MCFD2: variants seen among roughly 807,000 people sequenced by gnomAD.
The protein encoded by MCFD2 is multiple coagulation factor deficiency protein 2.
MCFD2 carries 11 observed loss-of-function variants against 12.8 expected under a neutral mutation model. That is an observed-to-expected ratio of 0.86 (90% CI 0.54 to 1.42). The LOEUF (loss-of-function observed/expected upper bound fraction) is 1.42. MCFD2 is among the 40% of genes most tolerant of loss of function. MCFD2 has a pLI of 0.00. For missense variants in MCFD2, 191 were observed against 178.6 expected, an observed-to-expected ratio of 1.07 and a Z score of -0.40; for synonymous variants, 70 against 68.1, an observed-to-expected ratio of 1.03 and a Z score of -0.14.
intron 1 of MCFD2, among the ~76,000 whole-genome samples, chr2:46,910,564 G>C (rs1307389614): frequency 6.6e-6 from 1 of 152,200 alleles, no homozygotes; most frequent in Non-Finnish European, 1.5e-5. Flanking sequence ...GCCTGGGGCT[G>C]AGAGGTAGAG....
chr2:46,928,778 A>T (rs1222105720), intron 1 of MCFD2, among the ~76,000 whole-genome samples: 3 of 151,542 alleles, frequency 2.0e-5, no homozygotes, highest in Non-Finnish European at 4.4e-5. Flanking sequence ...AGAAAAAAAA[A>T]AAGTCCCACG....
chr2:46,913,004 G>GGT (rs1353018786), intron 1 of MCFD2, among the ~76,000 whole-genome samples: 1 of 152,098 alleles, frequency 6.6e-6, no homozygotes, highest in Admixed American at 6.5e-5. Context: ...ATATCAATTT[G>GGT]GTGTGTGTGT....
chr2:46,906,929 C>G (rs1302893420), intron 3 of MCFD2: 1 of 152,268 alleles, frequency 6.6e-6, no homozygotes, highest in Non-Finnish European at 1.5e-5. Flanking sequence ...GCCTCAACCT[C>G]TCAGGTTCAA....
At chr2:46,924,129 A>G (rs972347705) in intron 1 of MCFD2, among the ~76,000 whole-genome samples, 1 of 151,672 alleles carries the variant, frequency 6.6e-6, no homozygotes, top group African/African-American at 2.4e-5. Context: ...GCCTGGGCCC[A>G]GGAAGTCAAG....
At position 46,907,630 on chromosome 2, in the gene MCFD2, C is replaced by T. The variant is rs1668299123; in HGVS notation, c.309+180G>A. 1.5e-6 allele frequency: 1 copy of T among 676,434 alleles called. No individual in the cohort carries two copies. The highest frequency in any genetic ancestry group is 2.6e-6 in the Non-Finnish European group (1 of 380,044). The allele number at this position is 676,434 out of a possible 1,614,324, so 41.9% of individuals were successfully genotyped here. ...CAAGGCTGGTCTTGAACTCCTGGCTCAAGTGATCCTTCCACTTTGGCCTCC... is the reference window on the plus strand; with the variant it reads ...CAAGGCTGGTCTTGAACTCCTGGCTTAAGTGATCCTTCCACTTTGGCCTCC... On this transcript the variant is annotated intron_variant, in intron 3 of 3. Coordinates refer to ENST00000319466, the MANE Select transcript of MCFD2 (RefSeq NM_139279.6). The surrounding 1 kb of genome is among the most constrained non-coding windows in gnomAD (Gnocchi z 4.1).
At chr2:46,938,787 G>T (rs1670104184) in intron 1 of MCFD2, among the ~76,000 whole-genome samples, 1 of 152,118 alleles carries the variant, frequency 6.6e-6, no homozygotes, top group African/African-American at 2.4e-5. Flanking sequence ...GCCAAGGCGG[G>T]CAGATCATGA....
chr2:46,926,803 A>G (rs1669407107), intron 1 of MCFD2, among the ~76,000 whole-genome samples: 1 of 152,250 alleles, frequency 6.6e-6, no homozygotes, highest in Admixed American at 6.5e-5. Flanking sequence ...ACGGACCTCC[A>G]CAGCTTGAGA....
chr2:46,933,188 G>A (rs1388473969), intron 1 of MCFD2, among the ~76,000 whole-genome samples: 1 of 152,064 alleles, frequency 6.6e-6, no homozygotes, highest in Non-Finnish European at 1.5e-5. Flanking sequence ...TGACATAGAA[G>A]CCACTAACAA....
intron 1 of MCFD2, among the ~76,000 whole-genome samples, chr2:46,912,354 G>A (rs368374772): frequency 7.2e-5 from 11 of 152,110 alleles, no homozygotes; most frequent in African/African-American, 2.2e-4. Flanking sequence ...TTTTTTAAAC[G>A]TGTCCAGACC....
intron 1 of MCFD2, among the ~76,000 whole-genome samples, chr2:46,921,773 T>C (rs1278140320): frequency 6.6e-6 from 1 of 152,184 alleles, no homozygotes; most frequent in Non-Finnish European, 1.5e-5. Flanking sequence ...AGGCATTAGT[T>C]AGATTCTCAT....
intron 1 of MCFD2, among the ~76,000 whole-genome samples, chr2:46,925,066 G>A (rs1251481496): frequency 1.3e-5 from 2 of 152,194 alleles, no homozygotes; most frequent in South Asian, 2.1e-4. Flanking sequence ...TCAGCTTTCA[G>A]TATTTTTCTG....
At chr2:46,917,367 T>C, upstream of MCFD2, 1 of 592,110 alleles carries the variant, frequency 1.7e-6, no homozygotes, top group Non-Finnish European at 3.0e-6. Flanking sequence ...CTCTGAACTT[T>C]GGATTAGTTT....
At chr2:46,922,527 C>T (rs568847298) in intron 1 of MCFD2, among the ~76,000 whole-genome samples, 6 of 146,270 alleles carry the variant, frequency 4.1e-5, no homozygotes, top group African/African-American at 1.1e-4. Flanking sequence ...TATAAATGCT[C>T]AGGGAAAATT....
rs1386263684 is a variant in MCFD2 at position 46,909,078 on chromosome 2, T to C, written c.94A>G (p.Ser32Gly). 1.2e-6 allele frequency: 2 copies of C among 1,614,222 alleles called. No homozygotes were observed. The highest frequency in any genetic ancestry group is 1.1e-5 in the South Asian group (1 of 91,088). The change falls in exon 2 of 4, where the codon AGC becomes GGC. Residue 32 changes from serine (S) to glycine (G), a missense_variant. By Grantham distance (56) the Ser-to-Gly change is moderately conservative. Coordinates refer to ENST00000319466, the MANE Select transcript of MCFD2 (RefSeq NM_139279.6). The part of the protein sequence containing the change: ...PGARAEEPAA[S>G]FSQPGSMGLD... ...CCCATGCTGCCGGGTTGGGAGAAGC[T>C]GGCTGCAGGCTCCTCAGCCCTGGCG...
In MCFD2 at chr2:46,923,373, C is replaced by T. The variant is rs938716972; in HGVS notation, c.-7-15404G>A. Reference sequence around the variant, plus strand: ...GCTGTCATTCTGAATTACCTGGGGGCTGCCAGCCATCAGTCAACCATTAGC... The same window carrying T: ...GCTGTCATTCTGAATTACCTGGGGGTTGCCAGCCATCAGTCAACCATTAGC... On this transcript the variant is annotated intron_variant, in intron 1 of 2. Transcript: ENST00000409147. 3.9e-5 allele frequency among the ~76,000 whole-genome samples: 6 copies of T among 152,184 alleles called. 1 individual carries two copies. Among genetic ancestry groups the T allele is most frequent in the Admixed American group, 3.9e-4 (6 of 15,284 alleles).
At chr2:46,928,478 A>C (rs933195631) in intron 1 of MCFD2, among the ~76,000 whole-genome samples, 2 of 151,316 alleles carry the variant, frequency 1.3e-5, no homozygotes, top group African/African-American at 2.4e-5. Flanking sequence ...AAAAAAAAAA[A>C]AAAAAAACTT....
intron 1 of MCFD2, among the ~76,000 whole-genome samples, chr2:46,934,476 C>T (rs1407668054): frequency 2.0e-5 from 3 of 152,040 alleles, no homozygotes; most frequent in African/African-American, 7.2e-5. Flanking sequence ...CCAGGCTGGT[C>T]TTGAACTGGC....
Position 46,907,743 on chromosome 2 carries a change from C to T in MCFD2, c.309+67G>A. 1 of 1,542,028 alleles carries T rather than the reference C, an allele frequency of 6.5e-7. No homozygotes were observed. Among genetic ancestry groups the T allele is most frequent in the Admixed American group, 1.7e-5 (1 of 59,908 alleles). ...ATAAGGACAACACAAGTCAACAAGA[C>T]TGGGGACCAAATTAACAAAGGGAAG... On this transcript the variant is annotated intron_variant, in intron 3 of 3. Transcript: ENST00000319466. This position sits in a 1 kb window ranked among gnomAD's most constrained non-coding sequence, Gnocchi z 4.1.
At chr2:46,930,406 G>A (rs191665153) in intron 1 of MCFD2, among the ~76,000 whole-genome samples, 38 of 137,902 alleles carry the variant, frequency 2.8e-4, no homozygotes, top group African/African-American at 1.0e-3. Context: ...TGCCTAAAAT[G>A]TAAAAAGCTA....
Sources: allele counts gnomAD v4.1 joint callset (sites outside exome capture counted in the v4.1 genomes callset), GRCh38; gene constraint gnomAD v4.1.1; non-coding constraint Gnocchi (gnomAD v3.1); transcripts MANE v1.5; gene names NCBI Gene and HGNC (gene_info 2026-07-23, HGNC 2026-07-21).